PTPRT: variants seen among roughly 807,000 people sequenced by gnomAD.
The protein encoded by PTPRT is receptor-type tyrosine-protein phosphatase T.
In PTPRT, 56 loss-of-function variants were observed where a neutral mutation model predicts 176.8. The ratio of observed to expected loss-of-function variants is 0.32; its 90% CI spans 0.26 to 0.40. The LOEUF (loss-of-function observed/expected upper bound fraction) is 0.40, where lower values mean the gene tolerates loss of function less well. Among genes scored for constraint, PTPRT ranks in the 10% least tolerant of loss-of-function variants. The probability of loss-of-function intolerance (pLI) is 1.00; values close to 1 mark genes in which losing one functional copy is unlikely to be tolerated. For synonymous variants in PTPRT, 783 were observed against 739.0 expected (o/e 1.06, Z -0.96); for missense variants, 1,540 against 1,908.2 (o/e 0.81, Z 3.60).
intron 18 of PTPRT, among the ~76,000 whole-genome samples, chr20:42,141,268 C>A (rs1337375534): frequency 6.6e-6 from 1 of 152,218 alleles, no homozygotes; most frequent in African/African-American, 2.4e-5. Context: ...TAAACTCTGT[C>A]TCTCATACTA....
chr20:42,489,548 T>C (rs940925696), intron 7 of PTPRT, among the ~76,000 whole-genome samples: 1 of 152,034 alleles, frequency 6.6e-6, no homozygotes, highest in Non-Finnish European at 1.5e-5. Context: ...CCCACTCTCC[T>C]ACCATGAGCA....
At chr20:42,402,336 C>G (rs2058916442) in intron 9 of PTPRT, among the ~76,000 whole-genome samples, 1 of 151,986 alleles carries the variant, frequency 6.6e-6, no homozygotes, top group Non-Finnish European at 1.5e-5. Context: ...CAAGCCTGTG[C>G]TAAAACAGAT....
At chr20:42,632,213 C>T (rs1305597976) in intron 7 of PTPRT, among the ~76,000 whole-genome samples, 1 of 152,068 alleles carries the variant, frequency 6.6e-6, no homozygotes, top group East Asian at 1.9e-4. Context: ...ATGCTTTCTC[C>T]TATGCTGTTT....
intron 1 of PTPRT, among the ~76,000 whole-genome samples, chr20:43,022,340 A>T (rs1235009868): frequency 2.6e-5 from 4 of 152,226 alleles, no homozygotes. Context: ...GGAGACTCTC[A>T]AAAGTCCACC....
rs2076833234 is a variant in PTPRT, at chr20:42,756,424, C to T, written c.859+38G>A. 2.0e-6 allele frequency: 3 copies of T among 1,473,006 alleles called. No individual in the cohort carries two copies. The African/African-American group carries it at 4.3e-5, about 21-fold the overall frequency. 91.2% of individuals were successfully genotyped at this position (1,473,006 alleles called of 1,614,324 possible). On this transcript the variant is annotated intron_variant, in intron 6 of 30. Coordinates refer to ENST00000373187, the MANE Select transcript of PTPRT (RefSeq NM_007050.6). ...GGCTTTAAGGCCCATTAATGCCAAC[C>T]TTCCATGGCAGTAGAGGCGCAGGCT...
chr20:42,569,042 C>A lies in PTPRT; in HGVS notation c.1154-96480G>T, dbSNP rs1169403282. 5.1e-5 allele frequency among the ~76,000 whole-genome samples: 3 copies of A among 58,270 alleles called. No homozygotes were observed. The East Asian group carries it at 1.9e-3, about 37-fold the overall frequency. The allele number at this position is 58,270 out of a possible 152,430, so 38.2% of individuals were successfully genotyped here. ...CAGCCTGGGCGACAGAGCAAGACTCCATCTCAAAAAAAAAAAAAAAAAAAA... is the reference window on the plus strand; with the variant it reads ...CAGCCTGGGCGACAGAGCAAGACTCAATCTCAAAAAAAAAAAAAAAAAAAA... On this transcript the variant is annotated intron_variant, in intron 7 of 30. Transcript: ENST00000373187.
intron 9 of PTPRT, among the ~76,000 whole-genome samples, chr20:42,385,093 A>T (rs930687444): frequency 6.6e-6 from 1 of 152,080 alleles, no homozygotes; most frequent in African/African-American, 2.4e-5. Flanking sequence ...GTTTGATGTG[A>T]TTCCAATGGC....
At chr20:42,429,511 C>T (rs2059196549) in intron 9 of PTPRT, among the ~76,000 whole-genome samples, 2 of 152,092 alleles carry the variant, frequency 1.3e-5, no homozygotes, top group Admixed American at 1.3e-4. Flanking sequence ...CTCTCCTCAT[C>T]CCCTGCAAGG....
intron 1 of PTPRT, among the ~76,000 whole-genome samples, chr20:42,973,789 T>C (rs1448250627): frequency 6.6e-6 from 1 of 152,242 alleles, no homozygotes; most frequent in East Asian, 1.9e-4. Context: ...CTCAAATAAT[T>C]GTTGGGATAT....
chr20:42,667,757 C>A (rs1361581593), intron 7 of PTPRT, among the ~76,000 whole-genome samples: 1 of 152,132 alleles, frequency 6.6e-6, no homozygotes, highest in African/African-American at 2.4e-5. Context: ...GACTTTATTC[C>A]AGAGCTAGCT....
At chr20:42,456,153 A>T (rs951576481) in intron 8 of PTPRT, among the ~76,000 whole-genome samples, 19 of 151,964 alleles carry the variant, frequency 1.3e-4, no homozygotes, top group African/African-American at 4.6e-4. Flanking sequence ...AATACCTTAT[A>T]TTTTTATTGC....
intron 15 of PTPRT, among the ~76,000 whole-genome samples, chr20:42,210,134 A>G (rs187813043): frequency 1.3e-5 from 2 of 152,290 alleles, no homozygotes; most frequent in East Asian, 1.9e-4. Flanking sequence ...ATTGGGTATT[A>G]ATGGGACGTA....
At chr20:42,226,176 T>G (rs2056005703) in intron 15 of PTPRT, among the ~76,000 whole-genome samples, 1 of 152,222 alleles carries the variant, frequency 6.6e-6, no homozygotes, top group Non-Finnish European at 1.5e-5. Flanking sequence ...AGAGGGTATT[T>G]CTTACTAAAG....
intron 1 of PTPRT, among the ~76,000 whole-genome samples, chr20:43,146,784 G>C (rs978394321): frequency 6.6e-6 from 1 of 152,066 alleles, no homozygotes; most frequent in Non-Finnish European, 1.5e-5. Flanking sequence ...CCTGAATTGT[G>C]CACACTTCCA....
At position 42,080,817 on chromosome 20, in the gene PTPRT, A is replaced by C; in HGVS notation, c.*62T>G. 2 of 1,517,214 alleles carry C rather than the reference A, an allele frequency of 1.3e-6. No individual in the cohort carries two copies. Among genetic ancestry groups the C allele is most frequent in the Non-Finnish European group, 1.8e-6 (2 of 1,095,280 alleles). 94.0% of individuals were successfully genotyped at this position (1,517,214 alleles called of 1,614,324 possible). On this transcript the variant is annotated 3_prime_UTR_variant, in exon 31 of 31. Transcript: ENST00000373187. ...CTCCTGAGCCCAGTTACTGCCATTC[A>C]CACAAAAGGGGGCTTGGTCACAGCA...
At chr20:42,724,809 C>G (rs1460893507) in intron 6 of PTPRT, among the ~76,000 whole-genome samples, 1 of 152,166 alleles carries the variant, frequency 6.6e-6, no homozygotes, top group Non-Finnish European at 1.5e-5. Context: ...CTTTCTCTCT[C>G]TCTCCATTGC....
intron 19 of PTPRT, among the ~76,000 whole-genome samples, chr20:42,123,231 G>T (rs1327203017): frequency 6.6e-6 from 1 of 152,224 alleles, no homozygotes; most frequent in African/African-American, 2.4e-5. Flanking sequence ...TTGAAATTCA[G>T]TGAGATAACA....
At chr20:42,441,916 A>C (rs1348633623) in intron 9 of PTPRT, among the ~76,000 whole-genome samples, 2 of 152,102 alleles carry the variant, frequency 1.3e-5, no homozygotes, top group African/African-American at 4.8e-5. Flanking sequence ...AATTATGCAA[A>C]TTTTTGCTTT....
At chr20:42,150,563 T>A (rs1989082125) in intron 17 of PTPRT, among the ~76,000 whole-genome samples, 1 of 152,218 alleles carries the variant, frequency 6.6e-6, no homozygotes, top group African/African-American at 2.4e-5. Flanking sequence ...TTTACCTGGG[T>A]CTTTCCTTCA....
Sources: allele counts gnomAD v4.1 joint callset (sites outside exome capture counted in the v4.1 genomes callset), GRCh38; gene constraint gnomAD v4.1.1; transcripts MANE v1.5; gene names NCBI Gene and HGNC (gene_info 2026-07-23, HGNC 2026-07-21).